The following PACRG variants were observed in gnomAD, a reference collection of about 807,000 sequenced individuals.
The protein encoded by PACRG is parkin coregulated.
A neutral mutation model predicts 29.7 loss-of-function variants in PACRG; 29 were observed. The ratio of observed to expected loss-of-function variants is 0.98; its 90% CI spans 0.73 to 1.33. The LOEUF (loss-of-function observed/expected upper bound fraction) is 1.33, where lower values mean the gene tolerates loss of function less well. Ranked by LOEUF, PACRG falls within the 40% of genes most tolerant of loss-of-function variation. The pLI is 0.00. For synonymous variants in PACRG, 116 were observed against 118.7 expected, an observed-to-expected ratio of 0.98 and a Z score of 0.15; for missense variants, 279 against 316.2, an observed-to-expected ratio of 0.88 and a Z score of 0.89.
At chr6:162,904,939 G>A (rs923024009) in intron 2 of PACRG, among the ~76,000 whole-genome samples, 21 of 152,314 alleles carry the variant, frequency 1.4e-4, no homozygotes, top group African/African-American at 4.8e-4. Flanking sequence ...AGTTAGCTGG[G>A]AGGGGAAGAG....
intron 4 of PACRG, among the ~76,000 whole-genome samples, chr6:163,208,804 T>C (rs556836993): frequency 6.6e-6 from 1 of 152,344 alleles, no homozygotes; most frequent in African/African-American, 2.4e-5. Flanking sequence ...AGAATTGATG[T>C]TACAATGCTA....
At chr6:163,097,846 A>T (rs916399000) in intron 4 of PACRG, among the ~76,000 whole-genome samples, 1 of 152,168 alleles carries the variant, frequency 6.6e-6, no homozygotes, top group African/African-American at 2.4e-5. Flanking sequence ...CTTAGAGAAA[A>T]TAAGTTGGCA....
chr6:162,881,961 T>TGGA (rs1554297468), intron 2 of PACRG, among the ~76,000 whole-genome samples: 2 of 59,954 alleles, frequency 3.3e-5, no homozygotes, highest in African/African-American at 1.4e-4. Flanking sequence ...CAGAGATGGG[T>TGGA]GGGGGGGGGC....
intron 4 of PACRG, among the ~76,000 whole-genome samples, chr6:163,276,415 C>T (rs893370370): frequency 6.6e-5 from 10 of 152,112 alleles, no homozygotes; most frequent in African/African-American, 1.9e-4. Context: ...CCACTAGGTT[C>T]GAAGTGACCA....
chr6:163,047,385 A>C lies in PACRG; in HGVS notation c.292-14765A>C, dbSNP rs149924408. On this transcript the variant is annotated intron_variant, in intron 2 of 4. Transcript: ENST00000366888. ...CTTTTTATCTCCCTATGGTTAAAAT[A>C]AATGCAGTTTTTAAAGTTTTAGGAA... 6.9e-3 allele frequency among the ~76,000 whole-genome samples: 1,051 copies of C among 152,350 alleles called. 11 individuals are homozygous for C. Among genetic ancestry groups the C allele is most frequent in the African/African-American group, 0.024 (1,000 of 41,576 alleles).
At chr6:162,881,997 T>C (rs1254428745) in intron 2 of PACRG, among the ~76,000 whole-genome samples, 1 of 113,574 alleles carries the variant, frequency 8.8e-6, no homozygotes, top group South Asian at 3.3e-4. Flanking sequence ...ACAGAGACCC[T>C]GGGGCACTCT....
chr6:162,889,024 A>G (rs1446099845), intron 2 of PACRG, among the ~76,000 whole-genome samples: 1 of 152,216 alleles, frequency 6.6e-6, no homozygotes, highest in African/African-American at 2.4e-5. Flanking sequence ...CCTCTGTGAC[A>G]GAGAAGTGTA....
chr6:163,296,960 A>G (rs1784800442), intron 4 of PACRG, among the ~76,000 whole-genome samples: 1 of 152,344 alleles, frequency 6.6e-6, no homozygotes, highest in East Asian at 1.9e-4. Flanking sequence ...TTAAGATCAC[A>G]TGTACTGAAC....
At position 163,047,377 on chromosome 6, in the gene PACRG, G is replaced by C. The variant is rs140277859; in HGVS notation, c.292-14773G>C. 4.1e-3 allele frequency among the ~76,000 whole-genome samples: 631 copies of C among 152,254 alleles called. 9 individuals are homozygous for C. The highest frequency in any genetic ancestry group is 0.023 in the Admixed American group (352 of 15,282). ...TTTTACTCCTTTTTATCTCCCTATG[G>C]TTAAAATAAATGCAGTTTTTAAAGT... On this transcript the variant is annotated intron_variant, in intron 2 of 4. Coordinates refer to ENST00000366888, the MANE Select transcript of PACRG (RefSeq NM_001080379.2).
chr6:162,902,365 A>G (rs1485003334), intron 2 of PACRG, among the ~76,000 whole-genome samples: 1 of 152,218 alleles, frequency 6.6e-6, no homozygotes, highest in East Asian at 1.9e-4. Flanking sequence ...TATATGGCTG[A>G]TGATATACCT....
chr6:163,260,416 C>T (rs1051790917), intron 4 of PACRG, among the ~76,000 whole-genome samples: 2 of 152,222 alleles, frequency 1.3e-5, no homozygotes, highest in African/African-American at 2.4e-5. Flanking sequence ...ATTCAAAGTT[C>T]GGGCTTTAAA....
At chr6:163,128,207 G>A (rs1287364137) in intron 4 of PACRG, among the ~76,000 whole-genome samples, 3 of 152,190 alleles carry the variant, frequency 2.0e-5, no homozygotes, top group East Asian at 1.9e-4. Context: ...GCTTTCTTTG[G>A]AACAAGAAGC....
At chr6:162,799,148 C>A (rs1785630712) in intron 1 of PACRG, among the ~76,000 whole-genome samples, 1 of 152,114 alleles carries the variant, frequency 6.6e-6, no homozygotes, top group South Asian at 2.1e-4. Context: ...ATTTTGGAAA[C>A]AAGCTGACCA....
intron 2 of PACRG, among the ~76,000 whole-genome samples, chr6:162,954,187 G>A (rs1428152900): frequency 6.6e-6 from 1 of 152,120 alleles, no homozygotes; most frequent in African/African-American, 2.4e-5. Context: ...AAATGTTTCA[G>A]TTTGTATGTG....
intron 2 of PACRG, among the ~76,000 whole-genome samples, chr6:162,858,346 C>T (rs1246675346): frequency 6.6e-6 from 1 of 152,066 alleles, no homozygotes; most frequent in Admixed American, 6.5e-5. Flanking sequence ...TGAGAACTCA[C>T]TCGCTATTAT....
chr6:163,141,171 G>A (rs1443644152), intron 4 of PACRG, among the ~76,000 whole-genome samples: 1 of 152,080 alleles, frequency 6.6e-6, no homozygotes, highest in Non-Finnish European at 1.5e-5. Context: ...TATCTCGAGT[G>A]CTGAGAAAAA....
intron 4 of PACRG, among the ~76,000 whole-genome samples, chr6:163,097,643 C>G (rs1269625173): frequency 6.6e-6 from 1 of 152,094 alleles, no homozygotes; most frequent in Non-Finnish European, 1.5e-5. Context: ...GTGGGGTATA[C>G]ATTGGTTTGG....
At chr6:163,103,600 T>C (rs930203582) in intron 4 of PACRG, among the ~76,000 whole-genome samples, 1 of 152,216 alleles carries the variant, frequency 6.6e-6, no homozygotes, top group African/African-American at 2.4e-5. Flanking sequence ...TAATTCTGTT[T>C]GCAAAGTCCT....
chr6:163,158,635 A>T (rs1778421179), intron 4 of PACRG, among the ~76,000 whole-genome samples: 1 of 152,234 alleles, frequency 6.6e-6, no homozygotes, highest in South Asian at 2.1e-4. Context: ...GAGAAGAGGT[A>T]ATAGCAAAAT....
Sources: allele counts gnomAD v4.1 joint callset (sites outside exome capture counted in the v4.1 genomes callset), GRCh38; gene constraint gnomAD v4.1.1; transcripts MANE v1.5; gene names NCBI Gene and HGNC (gene_info 2026-07-23, HGNC 2026-07-21).